Variants in CA13 observed in about 807,000 individuals in gnomAD.
CA13 encodes carbonic anhydrase 13.
CA13 carries 21 observed loss-of-function variants against 31.5 expected under a neutral mutation model. The observed-to-expected ratio is 0.67, with a 90% CI of 0.47 to 0.96. The LOEUF is 0.96. CA13 is among the 40% of genes least tolerant of loss of function. The pLI is 0.00. For missense variants in CA13, 315 were observed against 318.9 expected (o/e 0.99, Z 0.09); for synonymous variants, 117 against 111.4 (o/e 1.05, Z -0.32).
At chr8:85,279,016 A>G (rs1010548772) in intron 6 of CA13, among the ~76,000 whole-genome samples, 7 of 152,162 alleles carry the variant, frequency 4.6e-5, no homozygotes, top group African/African-American at 1.7e-4. Context: ...TTATTACTCA[A>G]TTTTGGCAGG....
intron 3 of CA13, among the ~76,000 whole-genome samples, chr8:85,263,737 G>A (rs762789116): frequency 3.7e-4 from 57 of 152,132 alleles, no homozygotes; most frequent in Non-Finnish European, 7.6e-4. Flanking sequence ...TTAAGTTTGA[G>A]ATGTCTGTTA....
At chr8:85,273,541 A>G (rs943014820) in intron 6 of CA13, among the ~76,000 whole-genome samples, 3 of 152,116 alleles carry the variant, frequency 2.0e-5, no homozygotes, top group Non-Finnish European at 4.4e-5. Context: ...CCCAGTCCCA[A>G]GGCGCAAGGC....
intron 6 of CA13, among the ~76,000 whole-genome samples, chr8:85,277,832 G>A (rs1292198341): frequency 2.0e-5 from 3 of 152,100 alleles, no homozygotes; most frequent in Admixed American, 6.6e-5. Flanking sequence ...GTACCTGGAC[G>A]GCCTCCCTCT....
chr8:85,247,020 C>A (rs1326736088), intron 1 of CA13, among the ~76,000 whole-genome samples: 1 of 152,038 alleles, frequency 6.6e-6, no homozygotes, highest in African/African-American at 2.4e-5. Context: ...CTAATTGTAG[C>A]CTGTTTTTAA....
In CA13 at chr8:85,272,470, G is replaced by A. The variant is rs548128549; in HGVS notation, c.669+3843G>A. 2.0e-4 allele frequency among the ~76,000 whole-genome samples: 31 copies of A among 152,128 alleles called. No homozygotes were observed. The South Asian group carries it at 6.0e-3, about 30-fold the overall frequency. ...GGGGTTTCACCATGTTGGCTGGGCTGGTCTTGAACTCCTGGCCTCAAGTGA... is the reference window on the plus strand; with the variant it reads ...GGGGTTTCACCATGTTGGCTGGGCTAGTCTTGAACTCCTGGCCTCAAGTGA... On this transcript the variant is annotated intron_variant, in intron 6 of 6. Transcript: ENST00000321764.
chr8:85,251,001 CTT>C (rs34303043), intron 2 of CA13, 64 bp downstream of exon 2: 307,695 of 762,822 alleles, frequency 0.4, 22,118 homozygotes, highest in African/African-American at 0.48. Context: ...AGACTATACT[CTT>C]TTTTTTTTTT....
intron 6 of CA13, among the ~76,000 whole-genome samples, chr8:85,278,939 C>T (rs1188972118): frequency 6.6e-6 from 1 of 152,070 alleles, no homozygotes; most frequent in East Asian, 1.9e-4. Flanking sequence ...GGTATTTTGA[C>T]TGAGGTAATG....
At chr8:85,257,834 GTT>G (rs1041375722) in intron 2 of CA13, among the ~76,000 whole-genome samples, 1 of 141,844 alleles carries the variant, frequency 7.1e-6, no homozygotes, top group African/African-American at 2.6e-5. Flanking sequence ...GTTTCATTGT[GTT>G]GGCCAGGCTG....
intron 3 of CA13, among the ~76,000 whole-genome samples, chr8:85,261,289 A>T (rs942388671): frequency 6.6e-6 from 1 of 152,180 alleles, no homozygotes; most frequent in Non-Finnish European, 1.5e-5. Flanking sequence ...TCACATGGAG[A>T]CCTTGGAGAC....
At chr8:85,266,738 C>G (rs1346489500) in intron 4 of CA13, 35 bp downstream of exon 4, 5 of 1,522,762 alleles carry the variant, frequency 3.3e-6, no homozygotes, top group African/African-American at 1.4e-5. Context: ...AAATGATCAG[C>G]CTTGTTGAAG....
At chr8:85,274,912 C>T (rs762893696) in intron 6 of CA13, among the ~76,000 whole-genome samples, 6 of 152,126 alleles carry the variant, frequency 3.9e-5, no homozygotes, top group Non-Finnish European at 5.9e-5. Flanking sequence ...ACAGGGACTC[C>T]GAGGGTGTTG....
chr8:85,249,558 G>T (rs950330982), intron 1 of CA13, among the ~76,000 whole-genome samples: 27 of 150,846 alleles, frequency 1.8e-4, no homozygotes, highest in East Asian at 9.6e-4. Context: ...GTGATATATT[G>T]CATTTCTTTA....
chr8:85,248,293 A>T lies in CA13; in HGVS notation c.37+2428A>T, dbSNP rs1360654618. 3.9e-5 allele frequency among the ~76,000 whole-genome samples: 6 copies of T among 152,026 alleles called. No homozygotes were observed. The East Asian group carries it at 1.2e-3, about 29-fold the overall frequency. ...ACCAACATGGAGAAATCTCGTTTCT[A>T]CTAAAAATACAAAATTAGCTGGGCG... On this transcript the variant is annotated intron_variant, in intron 1 of 6. Transcript: ENST00000321764.
At chr8:85,256,667 A>G (rs911876727) in intron 2 of CA13, among the ~76,000 whole-genome samples, 2 of 152,252 alleles carry the variant, frequency 1.3e-5, no homozygotes, top group Admixed American at 6.5e-5. Flanking sequence ...ATGAATTGGT[A>G]ACCTATGACA....
In CA13 at chr8:85,282,218, A is replaced by T. The variant is rs1807719352; in HGVS notation, c.*869A>T. The T allele has an allele frequency of 6.6e-6, 1 of 152,542 alleles. No homozygotes were observed. Among genetic ancestry groups the T allele is most frequent in the South Asian group, 2.1e-4 (1 of 4,830 alleles). 9.4% of individuals were successfully genotyped at this position (152,542 alleles called of 1,614,324 possible). A position where few individuals can be genotyped will look rare whatever the true frequency, so the allele number is the denominator to read the frequency against. On this transcript the variant is annotated 3_prime_UTR_variant, in exon 7 of 7. Coordinates refer to ENST00000321764, the MANE Select transcript of CA13 (RefSeq NM_198584.3). ...ATGAACAATATAAGAGTTAAGGGCA[A>T]TGGGATAAAGCTACTTAATGTGTCT...
At chr8:85,255,943 GCT>G (rs1044204941) in intron 2 of CA13, among the ~76,000 whole-genome samples, 5 of 151,606 alleles carry the variant, frequency 3.3e-5, no homozygotes, top group African/African-American at 9.7e-5. Flanking sequence ...TTTAGCTAAA[GCT>G]CTCTATGAGC....
intron 6 of CA13, among the ~76,000 whole-genome samples, chr8:85,272,061 C>G (rs1372306394): frequency 6.6e-6 from 1 of 152,088 alleles, no homozygotes; most frequent in African/African-American, 2.4e-5. Flanking sequence ...GAGCAAGACT[C>G]TATCTCAAAA....
intron 6 of CA13, among the ~76,000 whole-genome samples, chr8:85,275,930 G>C (rs1481614410): frequency 6.6e-6 from 1 of 152,270 alleles, no homozygotes; most frequent in Non-Finnish European, 1.5e-5. Flanking sequence ...CTCGCTCTCA[G>C]CGCCTCCTCT....
At chr8:85,270,893 A>C (rs1807518612) in intron 6 of CA13, among the ~76,000 whole-genome samples, 1 of 152,178 alleles carries the variant, frequency 6.6e-6, no homozygotes, top group Non-Finnish European at 1.5e-5. Flanking sequence ...GTCTTATTTG[A>C]GGCTCAATGG....
Sources: gnomAD v4.1 joint callset for allele counts (sites outside exome capture counted in the v4.1 genomes callset) on GRCh38, gnomAD v4.1.1 for gene constraint, MANE v1.5 for transcripts, NCBI Gene and HGNC (gene_info 2026-07-23, HGNC 2026-07-21) for gene names.